SORCS2: variants seen among roughly 807,000 people sequenced by gnomAD.
SORCS2 encodes the protein sortilin related VPS10 domain containing receptor 2.
Under a neutral mutation model 141.6 loss-of-function variants are expected in SORCS2, and 100 were observed. That is an observed-to-expected ratio of 0.71 (90% CI 0.60 to 0.83). The LOEUF is 0.83. Ranked by LOEUF, SORCS2 falls within the 40% of genes least tolerant of loss-of-function variation. The pLI, the probability that SORCS2 is intolerant of heterozygous loss-of-function variation, is 0.00. For synonymous variants in SORCS2, 789 were observed against 676.9 expected, an observed-to-expected ratio of 1.17 and a Z score of -2.57; for missense variants, 1,646 against 1,560.2, an observed-to-expected ratio of 1.05 and a Z score of -0.93.
At chr4:7,578,667 C>A (rs150703884) in intron 3 of SORCS2, among the ~76,000 whole-genome samples, 328 of 152,314 alleles carry the variant, frequency 2.2e-3, no homozygotes, top group Non-Finnish European at 4.0e-3. Context: ...CTGGGGCAGG[C>A]CGCCTGGGCT....
rs1380519612 is a variant in SORCS2, at chr4:7,628,500, A to C, written c.649-9828A>C. 1.1e-4 allele frequency among the ~76,000 whole-genome samples: 17 copies of C among 149,140 alleles called. No homozygotes were observed. In the East Asian group the frequency reaches 1.2e-3, roughly 11 times the overall value. ...TGCCACTGCACTCCAGCCTGGGCAAAAGAGTGAGACTCCGTCTCGAAAAAA... is the reference window on the plus strand; with the variant it reads ...TGCCACTGCACTCCAGCCTGGGCAACAGAGTGAGACTCCGTCTCGAAAAAA... On this transcript the variant is annotated intron_variant, in intron 3 of 26. Transcript: ENST00000507866.
intron 1 of SORCS2, among the ~76,000 whole-genome samples, chr4:7,274,682 C>A (rs1275194199): frequency 3.3e-5 from 5 of 152,212 alleles, no homozygotes; most frequent in Admixed American, 3.3e-4. Context: ...GATTACAATT[C>A]AGCATGAGAT....
At chr4:7,421,537 A>G (rs1398911385) in intron 2 of SORCS2, among the ~76,000 whole-genome samples, 1 of 152,154 alleles carries the variant, frequency 6.6e-6, no homozygotes, top group East Asian at 1.9e-4. Context: ...AATACTCGTC[A>G]TCGTCGTTCA....
intron 3 of SORCS2, among the ~76,000 whole-genome samples, chr4:7,572,769 C>G (rs1387699763): frequency 1.3e-5 from 2 of 152,234 alleles, no homozygotes; most frequent in South Asian, 4.1e-4. Flanking sequence ...CTTGCAAACT[C>G]ACTGAAAGGT....
intron 3 of SORCS2, among the ~76,000 whole-genome samples, chr4:7,558,351 C>G (rs1577746234): frequency 1.3e-5 from 2 of 152,162 alleles, no homozygotes; most frequent in Non-Finnish European, 1.5e-5. Flanking sequence ...AATAGTACCC[C>G]TCTATCAGTT....
At position 7,320,889 on chromosome 4, in the gene SORCS2, C is replaced by A. The variant is rs370666439; in HGVS notation, c.481-75399C>A. On this transcript the variant is annotated intron_variant, in intron 1 of 26. Transcript: ENST00000507866. ...CATTCCTCCCTTCCTCCCTTCCCCT[C>A]CCCTCCCTCCCTCCCTTCCTTCTTT... is the stretch of plus-strand genomic sequence containing the variant. 3.9e-4 allele frequency among the ~76,000 whole-genome samples: 56 copies of A among 141,924 alleles called. 1 individual carries two copies. In the East Asian group the frequency reaches 0.01, roughly 26 times the overall value. 93.1% of individuals were successfully genotyped at this position (141,924 alleles called of 152,430 possible). A position where few individuals can be genotyped will look rare whatever the true frequency, so the allele number is the denominator to read the frequency against.
intron 3 of SORCS2, among the ~76,000 whole-genome samples, chr4:7,591,651 G>A (rs184086649): frequency 7.8e-4 from 119 of 152,292 alleles, no homozygotes; most frequent in Non-Finnish European, 1.6e-3. Context: ...TCCGGCTCAC[G>A]AGGATTAACG....
chr4:7,285,351 A>G (rs3893335), intron 1 of SORCS2, among the ~76,000 whole-genome samples: 3,460 of 152,200 alleles, frequency 0.023, 148 homozygotes, highest in African/African-American at 0.078. Context: ...TCATGTTGAC[A>G]TTACTTCATT....
At chr4:7,250,452 T>A (rs1713419683) in intron 1 of SORCS2, among the ~76,000 whole-genome samples, 1 of 152,228 alleles carries the variant, frequency 6.6e-6, no homozygotes, top group African/African-American at 2.4e-5. Context: ...TCCAGAGACA[T>A]TTCGTTGTGA....
At chr4:7,490,278 G>C (rs537714680) in intron 2 of SORCS2, among the ~76,000 whole-genome samples, 29 of 152,268 alleles carry the variant, frequency 1.9e-4, no homozygotes, top group Admixed American at 1.6e-3. Context: ...ACTCGGCCTG[G>C]GGGGAGCTCA....
chr4:7,504,348 C>T (rs1306895016), intron 2 of SORCS2, among the ~76,000 whole-genome samples: 2 of 152,190 alleles, frequency 1.3e-5, no homozygotes, highest in East Asian at 1.9e-4. Context: ...CTCAGCACCC[C>T]CAGAGCTCCT....
At position 7,715,325 on chromosome 4, in the gene SORCS2, C is replaced by T. The variant is rs138601427; in HGVS notation, c.2252+14C>T. ...CAGCAGCCTTGGGTGAGTGTGGGTG[C>T]GGGCCTCTCCCTGCCTAAATCCGGG... On this transcript the variant is annotated intron_variant, in intron 17 of 26. Coordinates refer to ENST00000507866, the MANE Select transcript of SORCS2 (RefSeq NM_020777.3). The T allele has an allele frequency of 5.7e-3, 9,265 of 1,612,812 alleles. 99 individuals carry two copies. The highest frequency in any genetic ancestry group is 5.9e-3 in the East Asian group (265 of 44,818).
intron 1 of SORCS2, among the ~76,000 whole-genome samples, chr4:7,252,890 G>A (rs866059976): frequency 3.3e-5 from 5 of 152,190 alleles, no homozygotes; most frequent in African/African-American, 7.2e-5. Context: ...TGAAACTGTC[G>A]AATGGAAAAT....
intron 3 of SORCS2, among the ~76,000 whole-genome samples, chr4:7,578,056 G>C (rs927364164): frequency 6.6e-6 from 1 of 152,234 alleles, no homozygotes; most frequent in Non-Finnish European, 1.5e-5. Context: ...GGGAGGCCTA[G>C]TGGGAGATGT....
At chr4:7,390,081 C>T (rs1263123687) in intron 1 of SORCS2, among the ~76,000 whole-genome samples, 1 of 152,178 alleles carries the variant, frequency 6.6e-6, no homozygotes, top group Admixed American at 6.5e-5. Flanking sequence ...AGGCCCACGG[C>T]TGTGCAGCTT....
chr4:7,649,871 G>T (rs369440087), intron 4 of SORCS2, among the ~76,000 whole-genome samples: 1 of 152,176 alleles, frequency 6.6e-6, no homozygotes, highest in African/African-American at 2.4e-5. Context: ...TTCGTCATAA[G>T]GTGGTGCCCG....
intron 3 of SORCS2, among the ~76,000 whole-genome samples, chr4:7,610,200 G>A (rs184349920): frequency 4.0e-4 from 61 of 152,338 alleles, no homozygotes; most frequent in Non-Finnish European, 6.8e-4. Flanking sequence ...AATTAGCCGC[G>A]GTTGGAATGG....
At chr4:7,432,863 T>C (rs1215499489) in intron 2 of SORCS2, 1 of 153,874 alleles carries the variant, frequency 6.5e-6, no homozygotes, top group Non-Finnish European at 1.4e-5. Context: ...CCCCCGGCTG[T>C]TGGCAAGAGG....
chr4:7,251,454 T>C (rs1713503665), intron 1 of SORCS2, among the ~76,000 whole-genome samples: 1 of 152,222 alleles, frequency 6.6e-6, no homozygotes, highest in Non-Finnish European at 1.5e-5. Context: ...CACATTGTAG[T>C]GTACAGGAGG....
Sources: gnomAD v4.1 joint callset for allele counts (sites outside exome capture counted in the v4.1 genomes callset) on GRCh38, gnomAD v4.1.1 for gene constraint, MANE v1.5 for transcripts, NCBI Gene and HGNC (gene_info 2026-07-23, HGNC 2026-07-21) for gene names.